Variants in NCAN observed in about 807,000 individuals in gnomAD.
The protein encoded by NCAN is neurocan core protein.
A neutral mutation model predicts 121.8 loss-of-function variants in NCAN; 47 were observed. That is an observed-to-expected ratio of 0.39 (90% CI 0.31 to 0.49). The LOEUF (loss-of-function observed/expected upper bound fraction) is 0.49, where lower values mean the gene tolerates loss of function less well. NCAN is among the 20% of genes least tolerant of loss of function. NCAN has a pLI of 0.92. For synonymous variants in NCAN, 633 were observed against 702.0 expected, an observed-to-expected ratio of 0.90 and a Z score of 1.55; for missense variants, 1,517 against 1,773.4, an observed-to-expected ratio of 0.86 and a Z score of 2.60.
rs2060944231 is a variant in NCAN at position 19,250,963 on chromosome 19, A to C, written c.*1052A>C. The C allele has an allele frequency of 7.1e-6, 1 of 140,812 alleles. No homozygotes were observed. Among genetic ancestry groups the C allele is most frequent in the Non-Finnish European group, 1.5e-5 (1 of 66,314 alleles). The allele number at this position is 140,812 out of a possible 1,614,324, so 8.7% of individuals were successfully genotyped here. A position where few individuals can be genotyped will look rare whatever the true frequency, so the allele number is the denominator to read the frequency against. ...GAGAGATGCTCAGTGTTAAAACTGA[A>C]ACACACAAACACACACACACACACA... On this transcript the variant is annotated 3_prime_UTR_variant, in exon 15 of 15. Coordinates refer to ENST00000252575, the MANE Select transcript of NCAN (RefSeq NM_004386.3).
At chr19:19,240,454 A>T in intron 11 of NCAN, 149 bp from the exon 12 acceptor site, 1 of 699,080 alleles carries the variant, frequency 1.4e-6, no homozygotes, top group Non-Finnish European at 2.6e-6. Flanking sequence ...TCCACCTTCT[A>T]GATCTTTCCC....
rs574263979 is a variant in NCAN, at chr19:19,212,667, G to A, written c.-8+603G>A. Among the ~76,000 whole-genome samples the A allele has an allele frequency of 1.3e-5, 2 of 152,332 alleles. No homozygotes were observed. The highest frequency in any genetic ancestry group is 4.8e-5 in the African/African-American group (2 of 41,570). ...TCCGGTCACCACGTTCTGACTCAGG[G>A]AGGAGGTCCTGGGGGTCCCCATCCC... On this transcript the variant is annotated intron_variant, in intron 1 of 14. Coordinates refer to ENST00000252575, the MANE Select transcript of NCAN (RefSeq NM_004386.3). This position sits in a 1 kb window ranked among gnomAD's most constrained non-coding sequence, Gnocchi z 4.5.
chr19:19,223,190 C>T (rs1254715851), intron 3 of NCAN, among the ~76,000 whole-genome samples: 1 of 152,018 alleles, frequency 6.6e-6, no homozygotes, highest in Non-Finnish European at 1.5e-5. Flanking sequence ...CCATTGCTGC[C>T]TGTGCTTCCC....
rs778207347 is a variant in NCAN, at chr19:19,245,469, C to A, written c.3637+12C>A. On this transcript the variant is annotated intron_variant, in intron 13 of 14. Transcript: ENST00000252575. ...CAAGAAGGGCACAGGTATGCTGTGC[C>A]CCCTGCTTCTTTTCCTCTCTGTCAC... is the stretch of plus-strand genomic sequence containing the variant. The A allele has an allele frequency of 6.2e-7, 1 of 1,609,358 alleles. No individual in the cohort carries two copies. Among genetic ancestry groups the A allele is most frequent in the South Asian group, 1.1e-5 (1 of 90,750 alleles).
At chr19:19,248,213 G>A (rs556627458) in intron 13 of NCAN, among the ~76,000 whole-genome samples, 29 of 152,222 alleles carry the variant, frequency 1.9e-4, no homozygotes, top group Admixed American at 9.2e-4. Context: ...GGGAGGACAA[G>A]GTGGGCAGCT....
chr19:19,234,924 G>T (rs1366870761), intron 9 of NCAN, 59 bp from the exon 10 acceptor site: 2 of 1,098,350 alleles, frequency 1.8e-6, no homozygotes, highest in Non-Finnish European at 2.7e-6. Flanking sequence ...AGTTTCCTGT[G>T]GGGGCTCAGA....
chr19:19,223,998 C>G (rs765155932), intron 3 of NCAN, 23 bp from the exon 4 acceptor site: 2 of 1,498,158 alleles, frequency 1.3e-6, no homozygotes, highest in East Asian at 2.3e-5. Flanking sequence ...AACTGTCCCC[C>G]CATCCTGGAT....
chr19:19,229,596 C>T (rs2060850930), intron 8 of NCAN, among the ~76,000 whole-genome samples: 1 of 152,176 alleles, frequency 6.6e-6, no homozygotes, highest in Non-Finnish European at 1.5e-5. Flanking sequence ...AATCAGTGGT[C>T]ACACCTCAAC....
In NCAN at chr19:19,250,266, C is replaced by T. The variant is rs192349258; in HGVS notation, c.*355C>T. 4 of 428,232 alleles carry T rather than the reference C, an allele frequency of 9.3e-6. No individual in the cohort carries two copies. The highest frequency in any genetic ancestry group is 1.8e-5 in the Non-Finnish European group (4 of 223,298). The allele number at this position is 428,232 out of a possible 1,614,324, so 26.5% of individuals were successfully genotyped here. A position where few individuals can be genotyped will look rare whatever the true frequency, so the allele number is the denominator to read the frequency against. On this transcript the variant is annotated 3_prime_UTR_variant, in exon 15 of 15. Transcript: ENST00000252575. ...GGGTGCATGAGTGTATGTTTGCATTCACATGAAGGAATTGCTTTTCACACC... is the reference window on the plus strand; with the variant it reads ...GGGTGCATGAGTGTATGTTTGCATTTACATGAAGGAATTGCTTTTCACACC...
intron 3 of NCAN, among the ~76,000 whole-genome samples, chr19:19,220,234 G>A (rs192038458): frequency 2.0e-5 from 3 of 151,898 alleles, no homozygotes; most frequent in Admixed American, 6.6e-5. Context: ...TGCATCCTCC[G>A]TCTAGGCAGG....
chr19:19,238,437 C>T (rs1480139402), intron 11 of NCAN, 26 bp downstream of exon 11: 6 of 1,613,666 alleles, frequency 3.7e-6, no homozygotes, highest in Non-Finnish European at 5.1e-6. Context: ...AGGGGGCCAC[C>T]TGCCTGGAGG....
chr19:19,214,420 C>G (rs1212894402), intron 1 of NCAN, among the ~76,000 whole-genome samples: 1 of 151,712 alleles, frequency 6.6e-6, no homozygotes, highest in Non-Finnish European at 1.5e-5. Context: ...TGTGAGGGTG[C>G]GAGTGGAAGG....
In NCAN at chr19:19,240,527, A is replaced by G. The variant is rs983804524; in HGVS notation, c.3410-76A>G. Reference sequence around the variant, plus strand: ...ATTCTTTCCTCCCACACCCTACCCCACCTCACCTGCAGCCTGTGCCCTGGG... The same window carrying G: ...ATTCTTTCCTCCCACACCCTACCCCGCCTCACCTGCAGCCTGTGCCCTGGG... On this transcript the variant is annotated intron_variant, in intron 11 of 14. Coordinates refer to ENST00000252575, the MANE Select transcript of NCAN (RefSeq NM_004386.3). 3.0e-5 allele frequency: 43 copies of G among 1,440,702 alleles called. 2 individuals carry two copies. The South Asian group carries it at 4.9e-4, about 16-fold the overall frequency. The allele number at this position is 1,440,702 out of a possible 1,614,324, so 89.2% of individuals were successfully genotyped here. A position where few individuals can be genotyped will look rare whatever the true frequency, so the allele number is the denominator to read the frequency against.
At chr19:19,221,573 AT>A (rs1188675521) in intron 3 of NCAN, among the ~76,000 whole-genome samples, 142 of 151,620 alleles carry the variant, frequency 9.4e-4, no homozygotes, top group African/African-American at 3.3e-3. Context: ...CATCTTAAAA[AT>A]AATAATAATA....
At chr19:19,239,608 T>C (rs111067287) in intron 11 of NCAN, among the ~76,000 whole-genome samples, 2,643 of 45,992 alleles carry the variant, frequency 0.057, 146 homozygotes, top group African/African-American at 0.16. Context: ...ATTCCTCCTC[T>C]TCCTCTCTCC....
At position 19,249,850 on chromosome 19, in the gene NCAN, G is replaced by T; in HGVS notation, c.3905G>T (p.Arg1302Leu). Residue 1302 changes from arginine (R) to leucine (L), a missense_variant, in exon 15 of 15, where the codon CGC (arginine) becomes CTC (leucine). Physicochemically the swap from Arg to Leu is moderately radical, Grantham distance 102. Coordinates refer to ENST00000252575, the MANE Select transcript of NCAN (RefSeq NM_004386.3). ...CACCACCACAAATCCCGCAAGGAGCGCAGAAAACACAAGAAACACCCAACG... is the reference window on the plus strand; with the variant it reads ...CACCACCACAAATCCCGCAAGGAGCTCAGAAAACACAAGAAACACCCAACG... Reference protein sequence around the residue: ...QHHHHKSRKERRKHKKHPTED... With the variant: ...QHHHHKSRKELRKHKKHPTED... The T allele has an allele frequency of 1.2e-6, 2 of 1,613,922 alleles. No homozygotes were observed. The highest frequency in any genetic ancestry group is 8.5e-7 in the Non-Finnish European group (1 of 1,179,974).
chr19:19,240,555 A>G (rs1483086560), intron 11 of NCAN, 48 bp from the exon 12 acceptor site: 1 of 1,593,914 alleles, frequency 6.3e-7, no homozygotes. Flanking sequence ...GCCCTGGGCC[A>G]GGAGAGGCAT....
rs142003967 is a variant in NCAN, at chr19:19,226,981, C to T, written c.1568C>T (p.Pro523Leu). 2.4e-4 allele frequency: 376 copies of T among 1,539,470 alleles called. 3 individuals are homozygous for T. The East Asian group carries it at 8.0e-3, about 33-fold the overall frequency. The change falls in exon 7 of 15, where the codon CCG becomes CTG. Residue 523 changes from proline to leucine, a missense_variant. By Grantham distance (98) the Pro-to-Leu change is moderately conservative. Coordinates refer to ENST00000252575, the MANE Select transcript of NCAN (RefSeq NM_004386.3). ...SEAAVNQMEP[P>L]LAMAVTEMLG... ...GCTGCAGTGAACCAAATGGAGCCTC[C>T]GTTGGCCATGGCAGTCACAGAGATG... is the stretch of plus-strand genomic sequence containing the variant.
intron 12 of NCAN, among the ~76,000 whole-genome samples, chr19:19,241,858 A>G (rs1458295527): frequency 6.6e-6 from 1 of 152,070 alleles, no homozygotes; most frequent in Non-Finnish European, 1.5e-5. Context: ...ATATTTTATT[A>G]TATGCATATG....
Sources: allele counts gnomAD v4.1 joint callset (sites outside exome capture counted in the v4.1 genomes callset), GRCh38; gene constraint gnomAD v4.1.1; non-coding constraint Gnocchi (gnomAD v3.1); transcripts MANE v1.5; gene names NCBI Gene and HGNC (gene_info 2026-07-23, HGNC 2026-07-21).